AGAP1: variants seen among roughly 807,000 people sequenced by gnomAD.
AGAP1 encodes ArfGAP with GTPase domain, ankyrin repeat and PH domain 1, also known as arf-GAP with GTPase, ANK repeat and PH domain-containing protein 1.
Under a neutral mutation model 105.3 loss-of-function variants are expected in AGAP1, and 29 were observed. That is an observed-to-expected ratio of 0.28 (90% confidence interval 0.21 to 0.38). The LOEUF is 0.38. Among genes scored for constraint, AGAP1 ranks in the 10% least tolerant of loss-of-function variants. The probability of loss-of-function intolerance (pLI) is 1.00; values close to 1 mark genes in which losing one functional copy is unlikely to be tolerated. For missense variants in AGAP1, 998 were observed against 1,165.1 expected (o/e 0.86, Z 2.09); for synonymous variants, 509 against 485.9 (o/e 1.05, Z -0.63).
Position 235,976,791 on chromosome 2 carries a change from G to A in AGAP1, c.1645+8168G>A, listed in dbSNP as rs1575947121. ...CCTCAGGGAGGTTCCCCAAAGGGGA[G>A]TAGACACTCACACACGTTGTATAGA... is the stretch of plus-strand genomic sequence containing the variant. On this transcript the variant is annotated intron_variant, in intron 13 of 17. Transcript: ENST00000304032. The surrounding 1 kb of genome is among the most constrained non-coding windows in gnomAD (Gnocchi z 4.5). 1.3e-5 allele frequency among the ~76,000 whole-genome samples: 2 copies of A among 152,202 alleles called. No individual in the cohort carries two copies. The highest frequency in any genetic ancestry group is 2.9e-5 in the Non-Finnish European group (2 of 68,034).
In AGAP1 at chr2:235,979,773, A is replaced by G. The variant is rs1286220266; in HGVS notation, c.1645+11150A>G. On this transcript the variant is annotated intron_variant, in intron 13 of 17. Coordinates refer to ENST00000304032, the MANE Select transcript of AGAP1 (RefSeq NM_001037131.3). The surrounding 1 kb of genome is among the most constrained non-coding windows in gnomAD (Gnocchi z 4.5). Reference sequence around the variant, plus strand: ...AATGACATTGTATCAGAGTTCATGAAAAGTGCCTACTGCACACAGTTTAAT... The same window carrying G: ...AATGACATTGTATCAGAGTTCATGAGAAGTGCCTACTGCACACAGTTTAAT... Among the ~76,000 whole-genome samples, 1 of 152,218 alleles carries G rather than the reference A, an allele frequency of 6.6e-6. No homozygotes were observed. The highest frequency in any genetic ancestry group is 1.5e-5 in the Non-Finnish European group (1 of 68,042).
At chr2:235,613,231 A>G (rs1946197423) in intron 1 of AGAP1, among the ~76,000 whole-genome samples, 2 of 152,034 alleles carry the variant, frequency 1.3e-5, no homozygotes, top group Admixed American at 6.5e-5. Context: ...CCTGGCCTCA[A>G]GTCATCTGCC....
chr2:236,120,345 C>A lies in AGAP1; in HGVS notation c.2268C>A (p.Ser756=). 6.2e-7 allele frequency: 1 copy of A among 1,612,100 alleles called. No individual in the cohort carries two copies. Among genetic ancestry groups the A allele is most frequent in the Non-Finnish European group, 8.5e-7 (1 of 1,179,730 alleles). ...CCATCCTGCTGCTGGCACACGGCTC[C>A]CGGGACGAGGTGAACGAGACCTGCG... ...RTAILLLAHG[S]RDEVNETCGE... is the part of the protein sequence containing the mutation. Residue 756 remains serine (S), a synonymous_variant, in exon 17 of 18, where the codon TCC becomes TCA. Transcript: ENST00000304032. The surrounding 1 kb of genome is among the most constrained non-coding windows in gnomAD (Gnocchi z 6.0).
At chr2:235,634,208 A>G (rs752120564) in intron 1 of AGAP1, among the ~76,000 whole-genome samples, 3 of 152,226 alleles carry the variant, frequency 2.0e-5, no homozygotes, top group Non-Finnish European at 4.4e-5. Context: ...ATTATGGCAT[A>G]TATTCCAGAA....
rs1418705371 is a variant in AGAP1 at position 235,970,811 on chromosome 2, CGTT to C, written c.1645+2190_1645+2192del. On this transcript the variant is annotated intron_variant, in intron 13 of 17. Transcript: ENST00000304032. The surrounding 1 kb of genome is among the most constrained non-coding windows in gnomAD (Gnocchi z 5.4). ...GAAGTTTGACAAGTGACCGTGACCA[CGTT>C]GGACGCCTGATGTTTCAGGTCCACT... is the stretch of plus-strand genomic sequence containing the variant. Among the ~76,000 whole-genome samples, 5 of 152,216 alleles carry C rather than the reference CGTT, an allele frequency of 3.3e-5. No individual in the cohort carries two copies. Among genetic ancestry groups the C allele is most frequent in the Admixed American group, 6.5e-5 (1 of 15,274 alleles).
intron 1 of AGAP1, among the ~76,000 whole-genome samples, chr2:235,504,973 T>C (rs1450513298): frequency 2.0e-5 from 3 of 152,204 alleles, no homozygotes; most frequent in Non-Finnish European, 4.4e-5. Context: ...GCAGTTCCTC[T>C]GGGACTGGAA....
chr2:235,740,885 A>T lies in AGAP1; in HGVS notation c.311-78A>T. ...GCGACAGCCTAGGGTGTATTTTTCC[A>T]CAAGCGAAGCCCACGTCTGTCTGCC... is the stretch of plus-strand genomic sequence containing the variant. On this transcript the variant is annotated intron_variant, in intron 3 of 17. Transcript: ENST00000304032. The surrounding 1 kb of genome is among the most constrained non-coding windows in gnomAD (Gnocchi z 5.7). 6.3e-7 allele frequency: 1 copy of T among 1,580,256 alleles called. No individual in the cohort carries two copies. The highest frequency in any genetic ancestry group is 8.7e-7 in the Non-Finnish European group (1 of 1,152,918).
At chr2:235,803,039 GA>G (rs1957635403) in intron 8 of AGAP1, among the ~76,000 whole-genome samples, 1 of 151,180 alleles carries the variant, frequency 6.6e-6, no homozygotes, top group Non-Finnish European at 1.5e-5. Flanking sequence ...TTGTGATGGT[GA>G]TGATGGTTGT....
intron 6 of AGAP1, among the ~76,000 whole-genome samples, chr2:235,768,935 T>C (rs1185460733): frequency 1.3e-5 from 2 of 152,180 alleles, no homozygotes; most frequent in Non-Finnish European, 2.9e-5. Flanking sequence ...AAATACAGTT[T>C]GAAAAACCCT....
In AGAP1 at chr2:236,109,640, G is replaced by A. The variant is rs75084772; in HGVS notation, c.2115-10552G>A. ...GTGTCGGTGTTCTAGACCGGCAGCC[G>A]TGGGAACGTCCTAGTCGGCGGCAGC... On this transcript the variant is annotated intron_variant, in intron 16 of 17. Coordinates refer to ENST00000304032, the MANE Select transcript of AGAP1 (RefSeq NM_001037131.3). This position sits in a 1 kb window ranked among gnomAD's most constrained non-coding sequence, Gnocchi z 5.4. 1.5e-3 allele frequency among the ~76,000 whole-genome samples: 222 copies of A among 151,348 alleles called. 4 individuals carry two copies. In the East Asian group the frequency reaches 0.025, roughly 17 times the overall value.
chr2:235,637,560 G>A (rs1008522030), intron 1 of AGAP1, among the ~76,000 whole-genome samples: 4 of 152,044 alleles, frequency 2.6e-5, no homozygotes, highest in Non-Finnish European at 5.9e-5. Context: ...GGGATTACAG[G>A]TATGAGCCAC....
intron 13 of AGAP1, among the ~76,000 whole-genome samples, chr2:235,991,682 C>G (rs1262034353): frequency 6.6e-6 from 1 of 152,212 alleles, no homozygotes. Context: ...CTTTCTAAGG[C>G]TCTTAAAGTG....
In AGAP1 at chr2:235,689,779, G is replaced by A. The variant is rs1196982474; in HGVS notation, c.164-19400G>A. On this transcript the variant is annotated intron_variant, in intron 1 of 17. Coordinates refer to ENST00000304032, the MANE Select transcript of AGAP1 (RefSeq NM_001037131.3). This position sits in a 1 kb window ranked among gnomAD's most constrained non-coding sequence, Gnocchi z 4.2. The stretch of plus-strand genomic sequence containing the variant: ...GTGTGTACGTGCACACTTGTGTGAC[G>A]TGTCAGCTCGTGCCTGCAGAGACTC... 1.3e-5 allele frequency among the ~76,000 whole-genome samples: 2 copies of A among 152,244 alleles called. No individual in the cohort carries two copies. The highest frequency in any genetic ancestry group is 2.9e-5 in the Non-Finnish European group (2 of 68,048).
rs1213996403 is a variant in AGAP1 at position 235,777,918 on chromosome 2, A to G, written c.674-19841A>G. 6.6e-6 allele frequency among the ~76,000 whole-genome samples: 1 copy of G among 152,090 alleles called. No homozygotes were observed. Among genetic ancestry groups the G allele is most frequent in the African/African-American group, 2.4e-5 (1 of 41,406 alleles). ...TTTTCTGTACCTTTGAAATGTTTGT[A>G]GTGGTTGGAAGGAGGGGACTTCCTT... On this transcript the variant is annotated intron_variant, in intron 6 of 17. Coordinates refer to ENST00000304032, the MANE Select transcript of AGAP1 (RefSeq NM_001037131.3). The surrounding 1 kb of genome is among the most constrained non-coding windows in gnomAD (Gnocchi z 5.1).
Position 235,617,159 on chromosome 2 carries a change from GT to G in AGAP1, c.164-92018del, listed in dbSNP as rs1489371586. 8.5e-5 allele frequency among the ~76,000 whole-genome samples: 13 copies of G among 152,174 alleles called. No individual in the cohort carries two copies. In the East Asian group the frequency reaches 2.1e-3, roughly 25 times the overall value. On this transcript the variant is annotated intron_variant, in intron 1 of 17. Coordinates refer to ENST00000304032, the MANE Select transcript of AGAP1 (RefSeq NM_001037131.3). ...TTAATCGTAATGTAGGGGGAAAAAT[GT>G]TCTTAAAACACAAAACAAACATGTG...
At position 235,855,531 on chromosome 2, in the gene AGAP1, G is replaced by A. The variant is rs1186914369; in HGVS notation, c.1051-27814G>A. Among the ~76,000 whole-genome samples, 2 of 152,294 alleles carry A rather than the reference G, an allele frequency of 1.3e-5. No individual in the cohort carries two copies. The highest frequency in any genetic ancestry group is 3.4e-3 in the Middle Eastern group (1 of 294). On this transcript the variant is annotated intron_variant, in intron 9 of 17. Coordinates refer to ENST00000304032, the MANE Select transcript of AGAP1 (RefSeq NM_001037131.3). The surrounding 1 kb of genome is among the most constrained non-coding windows in gnomAD (Gnocchi z 5.0). ...TTGAAGTCATAAAAGTTGAGTTATA[G>A]TAAATTTAAAATCGAGCAATTTCTG...
At chr2:235,525,426 AGAGGACTGATACATAATGTG>A (rs1559223543) in intron 1 of AGAP1, among the ~76,000 whole-genome samples, 4 of 147,920 alleles carry the variant, frequency 2.7e-5, no homozygotes, top group Admixed American at 6.8e-5. Context: ...TTTATAAAGT[AGAGGACTGATACATAATGTG>A]GAGGACTGAT....
At position 235,612,701 on chromosome 2, in the gene AGAP1, G is replaced by A. The variant is rs562824435; in HGVS notation, c.164-96478G>A. 1.7e-4 allele frequency among the ~76,000 whole-genome samples: 26 copies of A among 151,568 alleles called. No homozygotes were observed. The highest frequency in any genetic ancestry group is 5.8e-4 in the African/African-American group (24 of 41,118). ...CATCCAGGGTTGCTTGGGCACAGTGGTCCTTTTGCATGGGGTGGCCGGCCA... is the reference window on the plus strand; with the variant it reads ...CATCCAGGGTTGCTTGGGCACAGTGATCCTTTTGCATGGGGTGGCCGGCCA... On this transcript the variant is annotated intron_variant, in intron 1 of 17. Coordinates refer to ENST00000304032, the MANE Select transcript of AGAP1 (RefSeq NM_001037131.3). The surrounding 1 kb of genome is among the most constrained non-coding windows in gnomAD (Gnocchi z 4.3).
chr2:235,852,378 G>A (rs977852008), intron 9 of AGAP1, among the ~76,000 whole-genome samples: 6 of 152,180 alleles, frequency 3.9e-5, no homozygotes, highest in African/African-American at 1.4e-4. Context: ...CCTAGCGTGC[G>A]CGGAGGGGGC....
Sources: gnomAD v4.1 joint callset for allele counts (sites outside exome capture counted in the v4.1 genomes callset) on GRCh38, gnomAD v4.1.1 for gene constraint, Gnocchi (gnomAD v3.1) non-coding constraint, MANE v1.5 for transcripts, NCBI Gene and HGNC (gene_info 2026-07-23, HGNC 2026-07-21) for gene names.